QKI: variants seen among roughly 807,000 people sequenced by gnomAD.
The protein encoded by QKI is QKI, KH domain containing RNA binding, also known as KH domain-containing RNA-binding protein QKI.
A neutral mutation model predicts 39.0 loss-of-function variants in QKI; 10 were observed. That is an observed-to-expected ratio of 0.26 (90% CI 0.16 to 0.43). QKI has a LOEUF of 0.43. QKI is among the 20% of genes least tolerant of loss of function. QKI has a pLI of 1.00. For synonymous variants in QKI, 204 were observed against 155.4 expected, an observed-to-expected ratio of 1.31 and a Z score of -2.33; for missense variants, 218 against 428.0, an observed-to-expected ratio of 0.51 and a Z score of 4.33.
chr6:163,569,489 A>C (rs1783576435), intron 7 of QKI: 1 of 1,274,476 alleles, frequency 7.8e-7, no homozygotes, highest in Non-Finnish European at 1.0e-6. Flanking sequence ...ATATAGTAGA[A>C]ATAATTAAGC....
At chr6:163,475,914 T>C (rs1792556592) in intron 2 of QKI, among the ~76,000 whole-genome samples, 1 of 152,168 alleles carries the variant, frequency 6.6e-6, no homozygotes, top group South Asian at 2.1e-4. Context: ...TCAGTCATCA[T>C]AAGACACCAT....
chr6:163,566,943 T>G, intron 7 of QKI, 148 bp downstream of exon 7: 20 of 1,420,790 alleles, frequency 1.4e-5, no homozygotes, highest in Non-Finnish European at 1.8e-5. Flanking sequence ...ATTGACAGAT[T>G]TAAGGGTTGG....
At chr6:163,530,902 A>G (rs1295725056) in intron 3 of QKI, among the ~76,000 whole-genome samples, 1 of 152,182 alleles carries the variant, frequency 6.6e-6, no homozygotes. Flanking sequence ...TGCGAAAAAT[A>G]TATAACATTG....
At chr6:163,416,405 G>C (rs1787507322) in intron 1 of QKI, 1 of 162,142 alleles carries the variant, frequency 6.2e-6, no homozygotes, top group African/African-American at 2.4e-5. Context: ...TTCGAAAATC[G>C]ACTGGCCAGG....
chr6:163,550,356 G>C (rs1782149774), intron 4 of QKI, among the ~76,000 whole-genome samples: 1 of 152,102 alleles, frequency 6.6e-6, no homozygotes. Context: ...TCCATTGAGG[G>C]ACTGATGGCA....
At chr6:163,566,225 C>G in intron 6 of QKI, 3 of 1,284,692 alleles carry the variant, frequency 2.3e-6, no homozygotes, top group Non-Finnish European at 3.0e-6. Flanking sequence ...CTTTACTAAT[C>G]ACCTAATTCA....
intron 3 of QKI, among the ~76,000 whole-genome samples, chr6:163,509,260 A>G (rs1236197259): frequency 6.6e-6 from 1 of 152,190 alleles, no homozygotes; most frequent in Non-Finnish European, 1.5e-5. Flanking sequence ...TTTTGAAATG[A>G]AAGATAACAG....
At chr6:163,540,053 T>G (rs1422513236) in intron 4 of QKI, among the ~76,000 whole-genome samples, 3 of 152,114 alleles carry the variant, frequency 2.0e-5, no homozygotes, top group Non-Finnish European at 4.4e-5. Context: ...TGAACTGTTT[T>G]TTTTTTAAAT....
intron 1 of QKI, chr6:163,415,947 T>C (rs1304499811): frequency 2.0e-6 from 1 of 508,752 alleles, no homozygotes; most frequent in East Asian, 5.6e-5. Context: ...ACCGAAATTA[T>C]GCTGGCGTAG....
At chr6:163,436,998 TGGAGA>T (rs1259225670) in intron 1 of QKI, among the ~76,000 whole-genome samples, 35 of 152,148 alleles carry the variant, frequency 2.3e-4, no homozygotes, top group Non-Finnish European at 2.9e-5. Flanking sequence ...TCAATTTCCA[TGGAGA>T]GGAGAGTTCA....
At chr6:163,570,654 C>CTTTTTTTTTTT in intron 7 of QKI, 40 bp from the exon 8 acceptor site, 1 of 1,601,618 alleles carries the variant, frequency 6.2e-7, no homozygotes, top group Non-Finnish European at 8.5e-7. Context: ...CTTTTCTTTT[C>CTTTTTTTTTTT]TTTTTTTTGT....
intron 1 of QKI, among the ~76,000 whole-genome samples, chr6:163,433,055 A>G (rs901509382): frequency 6.6e-6 from 1 of 152,234 alleles, no homozygotes; most frequent in African/African-American, 2.4e-5. Flanking sequence ...GTTTTAGGTT[A>G]TAGGAAAATT....
Position 163,561,972 on chromosome 6 carries a change from C to G in QKI, c.547-10C>G, listed in dbSNP as rs979012265. ...CAAATGCTTTCATCTCATGTGTTTT[C>G]CATGTATAGGCAGAAGGAGAAGACA... On this transcript the variant is annotated splice_polypyrimidine_tract_variant and intron_variant, in intron 4 of 7. Coordinates refer to ENST00000361752, the MANE Select transcript of QKI (RefSeq NM_006775.3). The G allele has an allele frequency of 1.2e-6, 2 of 1,608,128 alleles. No homozygotes were observed. The highest frequency in any genetic ancestry group is 2.2e-5 in the East Asian group (1 of 44,702).
At chr6:163,429,419 A>G (rs1788662775) in intron 1 of QKI, among the ~76,000 whole-genome samples, 1 of 151,978 alleles carries the variant, frequency 6.6e-6, no homozygotes. Context: ...CATGAGCAAA[A>G]TTTTTCCTTG....
intron 1 of QKI, among the ~76,000 whole-genome samples, chr6:163,427,626 T>C (rs1788513217): frequency 6.6e-6 from 1 of 152,076 alleles, no homozygotes; most frequent in Non-Finnish European, 1.5e-5. Flanking sequence ...TCAGCAGACA[T>C]GGAAAATACA....
At chr6:163,433,652 A>G (rs893828554) in intron 1 of QKI, among the ~76,000 whole-genome samples, 1 of 152,080 alleles carries the variant, frequency 6.6e-6, no homozygotes, top group Non-Finnish European at 1.5e-5. Context: ...CTGTAGTCCC[A>G]GCTACTGGGG....
intron 2 of QKI, among the ~76,000 whole-genome samples, chr6:163,475,842 A>G (rs570103941): frequency 1.3e-5 from 2 of 152,300 alleles, no homozygotes; most frequent in Admixed American, 1.3e-4. Context: ...TAAACAGGAC[A>G]CAGAAAACAC....
chr6:163,549,956 A>T (rs1025104030), intron 4 of QKI, among the ~76,000 whole-genome samples: 6 of 152,182 alleles, frequency 3.9e-5, no homozygotes, highest in African/African-American at 1.4e-4. Flanking sequence ...CTAATTGTAT[A>T]CTTTTCAGAG....
At chr6:163,553,530 T>G (rs530139059) in intron 4 of QKI, among the ~76,000 whole-genome samples, 1 of 152,136 alleles carries the variant, frequency 6.6e-6, no homozygotes, top group African/African-American at 2.4e-5. Context: ...CAATCAACTT[T>G]GGAGGTGTTT....
Sources: gnomAD v4.1 joint callset for allele counts (sites outside exome capture counted in the v4.1 genomes callset) on GRCh38, gnomAD v4.1.1 for gene constraint, MANE v1.5 for transcripts, NCBI Gene and HGNC (gene_info 2026-07-23, HGNC 2026-07-21) for gene names.